The following COL22A1 variants were observed in gnomAD, a reference collection of about 807,000 sequenced individuals.
COL22A1 encodes the protein collagen type XXII alpha 1 chain.
COL22A1 carries 221 observed loss-of-function variants against 248.9 expected under a neutral mutation model. The observed-to-expected ratio is 0.89, with a 90% CI of 0.80 to 0.99. The LOEUF is 0.99. Ranked by LOEUF, COL22A1 falls within the 50% of genes least tolerant of loss-of-function variation. COL22A1 has a pLI of 0.00. For missense variants in COL22A1, 2,240 were observed against 2,179.0 expected (o/e 1.03, Z -0.56); for synonymous variants, 891 against 793.4 (o/e 1.12, Z -2.07).
intron 47 of COL22A1, among the ~76,000 whole-genome samples, chr8:138,644,892 G>A (rs879818271): frequency 2.6e-5 from 4 of 152,242 alleles, no homozygotes; most frequent in East Asian, 1.9e-4. Context: ...CCTGTGGGAC[G>A]GACGGCCCGC....
chr8:138,623,643 G>C, intron 52 of COL22A1, 89 bp downstream of exon 52: 7 of 1,140,102 alleles, frequency 6.1e-6, no homozygotes, highest in Non-Finnish European at 9.0e-6. Flanking sequence ...CTTCGAGACT[G>C]GTTCAAAATA....
At chr8:138,666,715 C>CACATCATTTGAGAGTCACCCTTTGTTT (rs1824534878) in intron 41 of COL22A1, among the ~76,000 whole-genome samples, 1 of 152,168 alleles carries the variant, frequency 6.6e-6, no homozygotes, top group Admixed American at 6.5e-5. Context: ...TGGGAAATGT[C>CACATCATTTGAGAGTCACCCTTTGTTT]ACATCATTTG....
chr8:138,710,532 C>T (rs1426524265), intron 30 of COL22A1, among the ~76,000 whole-genome samples: 1 of 152,010 alleles, frequency 6.6e-6, no homozygotes, highest in East Asian at 1.9e-4. Context: ...GATTCCAGCT[C>T]CTGGTTTAAG....
At chr8:138,774,711 G>A (rs371422217) in intron 16 of COL22A1, among the ~76,000 whole-genome samples, 30 of 152,266 alleles carry the variant, frequency 2.0e-4, no homozygotes, top group African/African-American at 2.4e-4. Flanking sequence ...GAGCCACTGC[G>A]CCCAGCAGCA....
intron 3 of COL22A1, among the ~76,000 whole-genome samples, chr8:138,859,349 C>T (rs76063868): frequency 0.08 from 12,186 of 152,238 alleles, 536 homozygotes; most frequent in Non-Finnish European, 0.092. Flanking sequence ...AACACCATGT[C>T]GGGGCAGATG....
chr8:138,880,829 G>A (rs1197955276), intron 2 of COL22A1, among the ~76,000 whole-genome samples: 7 of 152,246 alleles, frequency 4.6e-5, no homozygotes, highest in Non-Finnish European at 1.0e-4. Flanking sequence ...GGGCCAGGCA[G>A]AACCCGGCCT....
chr8:138,869,217 C>G (rs895439456), intron 3 of COL22A1, among the ~76,000 whole-genome samples: 2 of 152,198 alleles, frequency 1.3e-5, no homozygotes, highest in African/African-American at 4.8e-5. Context: ...TTCTAGGAAT[C>G]CACCTGCAGG....
chr8:138,878,534 G>A (rs910081190), intron 2 of COL22A1, among the ~76,000 whole-genome samples: 2 of 152,154 alleles, frequency 1.3e-5, no homozygotes, highest in Non-Finnish European at 2.9e-5. Flanking sequence ...CTACTGTGAG[G>A]CTCAACTGAC....
chr8:138,640,270 A>G (rs1021545715), intron 47 of COL22A1, among the ~76,000 whole-genome samples: 1 of 152,216 alleles, frequency 6.6e-6, no homozygotes, highest in African/African-American at 2.4e-5. Flanking sequence ...AGCACATGAT[A>G]AAACAATCAT....
chr8:138,860,002 A>G (rs370144212), intron 3 of COL22A1, among the ~76,000 whole-genome samples: 1 of 152,104 alleles, frequency 6.6e-6, no homozygotes, highest in South Asian at 2.1e-4. Flanking sequence ...TCATCAGACC[A>G]TTACTATGTG....
chr8:138,639,122 T>C (rs1156898372), intron 47 of COL22A1, among the ~76,000 whole-genome samples: 2 of 152,228 alleles, frequency 1.3e-5, no homozygotes, highest in Admixed American at 6.5e-5. Context: ...ATATTTAATA[T>C]GTCTTTATTC....
intron 35 of COL22A1, among the ~76,000 whole-genome samples, chr8:138,691,425 G>C (rs1228980333): frequency 6.6e-6 from 1 of 151,390 alleles, no homozygotes; most frequent in East Asian, 2.0e-4. Context: ...ACGTCCATGT[G>C]TGCACGTTTG....
At chr8:138,693,435 GC>G (rs1827242746) in intron 35 of COL22A1, among the ~76,000 whole-genome samples, 2 of 152,310 alleles carry the variant, frequency 1.3e-5, no homozygotes, top group South Asian at 4.1e-4. Context: ...CATTCGCTGG[GC>G]ATGTGGACAA....
At chr8:138,772,645 A>T (rs1291835919) in intron 16 of COL22A1, among the ~76,000 whole-genome samples, 1 of 152,192 alleles carries the variant, frequency 6.6e-6, no homozygotes, top group Non-Finnish European at 1.5e-5. Context: ...TAGGTCAGAG[A>T]TTATGCTTGT....
At chr8:138,711,379 G>T (rs1357309971) in intron 30 of COL22A1, among the ~76,000 whole-genome samples, 1 of 152,174 alleles carries the variant, frequency 6.6e-6, no homozygotes, top group Non-Finnish European at 1.5e-5. Context: ...GACCAAAATT[G>T]TCAATTATCA....
At chr8:138,614,990 G>C (rs1439955616) in intron 55 of COL22A1, among the ~76,000 whole-genome samples, 2 of 152,288 alleles carry the variant, frequency 1.3e-5, no homozygotes, top group African/African-American at 4.8e-5. Context: ...AGACAACTTT[G>C]TACCTCAGTA....
intron 35 of COL22A1, among the ~76,000 whole-genome samples, chr8:138,692,306 G>C: frequency 4.0e-4 from 1 of 2,488 alleles, no homozygotes; most frequent in Non-Finnish European, 9.9e-4. Context: ...TTGCGGAGGT[G>C]TATGTGTGTG....
At chr8:138,689,322 A>G (rs963251756) in intron 36 of COL22A1, among the ~76,000 whole-genome samples, 2 of 152,184 alleles carry the variant, frequency 1.3e-5, no homozygotes, top group African/African-American at 2.4e-5. Context: ...ACCCAGCCTT[A>G]GCATTGGGGC....
At chr8:138,783,082 G>C (rs549454286) in intron 12 of COL22A1, among the ~76,000 whole-genome samples, 2 of 152,220 alleles carry the variant, frequency 1.3e-5, no homozygotes, top group East Asian at 3.9e-4. Flanking sequence ...TCATGTGGGT[G>C]GGGACTGGCA....
Sources: gnomAD v4.1 joint callset for allele counts (sites outside exome capture counted in the v4.1 genomes callset) on GRCh38, gnomAD v4.1.1 for gene constraint, MANE v1.5 for transcripts, NCBI Gene and HGNC (gene_info 2026-07-23, HGNC 2026-07-21) for gene names.